Variants in CERT1 observed in about 807,000 individuals in gnomAD.
CERT1 encodes the protein ceramide transporter 1.
In CERT1, 31 loss-of-function variants were observed where a neutral mutation model predicts 87.9. The ratio of observed to expected loss-of-function variants is 0.35; its 90% confidence interval spans 0.27 to 0.48. The LOEUF (loss-of-function observed/expected upper bound fraction) is 0.48. Among genes scored for constraint, CERT1 ranks in the 20% least tolerant of loss-of-function variants. The pLI is 0.99. For synonymous variants in CERT1, 289 were observed against 250.9 expected, an observed-to-expected ratio of 1.15 and a Z score of -1.44; for missense variants, 487 against 758.0, an observed-to-expected ratio of 0.64 and a Z score of 4.20.
intron 3 of CERT1, among the ~76,000 whole-genome samples, chr5:75,430,527 T>C (rs1347636834): frequency 5.3e-5 from 8 of 152,086 alleles, no homozygotes; most frequent in East Asian, 1.9e-4. Flanking sequence ...CAGAGTACAA[T>C]GGGGGCACTG....
At chr5:75,404,668 T>C (rs1001932172) in intron 8 of CERT1, among the ~76,000 whole-genome samples, 21 of 152,180 alleles carry the variant, frequency 1.4e-4, no homozygotes, top group African/African-American at 5.1e-4. Context: ...TTCTAGTCCT[T>C]AAGCAATCAT....
chr5:75,412,221 A>G (rs1234953779), intron 7 of CERT1, among the ~76,000 whole-genome samples: 4 of 152,102 alleles, frequency 2.6e-5, no homozygotes, highest in African/African-American at 9.7e-5. Flanking sequence ...TTTCTAAAAG[A>G]CTGATTTGCT....
chr5:75,419,292 C>A, intron 6 of CERT1, 49 bp downstream of exon 6: 1 of 1,231,674 alleles, frequency 8.1e-7, no homozygotes, highest in Admixed American at 2.0e-5. Context: ...TGTTACATAA[C>A]TTCTGAAAGT....
chr5:75,453,941 AC>A (rs1310564263), intron 3 of CERT1, among the ~76,000 whole-genome samples: 1 of 151,974 alleles, frequency 6.6e-6, no homozygotes, highest in Non-Finnish European at 1.5e-5. Context: ...TGGAAAAGAA[AC>A]CCCCGACCTC....
chr5:75,460,638 G>T (rs894599373), intron 2 of CERT1, among the ~76,000 whole-genome samples: 2 of 152,182 alleles, frequency 1.3e-5, no homozygotes, highest in South Asian at 4.1e-4. Context: ...ACCTTGGAGG[G>T]AAAAGAATCC....
chr5:75,441,306 T>C (rs1428962615), intron 3 of CERT1, among the ~76,000 whole-genome samples: 2 of 152,178 alleles, frequency 1.3e-5, no homozygotes, highest in South Asian at 2.1e-4. Context: ...AAGTGTGTAA[T>C]AGACTATACC....
intron 11 of CERT1, among the ~76,000 whole-genome samples, chr5:75,397,261 A>T (rs1400003039): frequency 1.3e-5 from 2 of 152,256 alleles, no homozygotes; most frequent in Non-Finnish European, 2.9e-5. Flanking sequence ...CATATAAAAC[A>T]GTACATAATC....
intron 2 of CERT1, among the ~76,000 whole-genome samples, chr5:75,479,643 T>C (rs1766133575): frequency 6.6e-6 from 1 of 152,224 alleles, no homozygotes; most frequent in African/African-American, 2.4e-5. Flanking sequence ...GTCTGCATAG[T>C]ATTCCATGGT....
chr5:75,502,907 A>G (rs1767447913), intron 2 of CERT1, among the ~76,000 whole-genome samples: 1 of 152,082 alleles, frequency 6.6e-6, no homozygotes, highest in South Asian at 2.1e-4. Flanking sequence ...TCAAGCTATA[A>G]TAACTGAAGA....
At chr5:75,425,172 A>T (rs1763557707) in intron 5 of CERT1, 189 bp downstream of exon 5, 1 of 536,004 alleles carries the variant, frequency 1.9e-6, no homozygotes, top group Non-Finnish European at 3.3e-6. Context: ...GGTATGGATG[A>T]TCAAAATGAA....
chr5:75,507,592 C>T (rs1561312347), intron 1 of CERT1, among the ~76,000 whole-genome samples: 2 of 152,172 alleles, frequency 1.3e-5, no homozygotes, highest in East Asian at 1.9e-4. Flanking sequence ...AATTCACCTT[C>T]CTATAAAGTA....
chr5:75,371,584 TTC>T (rs1345853522), intron 17 of CERT1: 2 of 152,214 alleles, frequency 1.3e-5, no homozygotes, highest in African/African-American at 4.8e-5. Context: ...CCTGTGGCAA[TTC>T]CAAACCAAGT....
intron 2 of CERT1, among the ~76,000 whole-genome samples, chr5:75,460,923 G>A (rs1283372043): frequency 6.6e-6 from 1 of 152,202 alleles, no homozygotes; most frequent in East Asian, 1.9e-4. Context: ...CAAATGAGAA[G>A]TAGAGTGTGC....
intron 2 of CERT1, among the ~76,000 whole-genome samples, chr5:75,495,913 A>G (rs1243116142): frequency 6.6e-6 from 1 of 152,088 alleles, no homozygotes; most frequent in African/African-American, 2.4e-5. Flanking sequence ...TAAAACTTAA[A>G]GTATAATAAA....
chr5:75,462,641 A>G (rs1221556175), intron 2 of CERT1, among the ~76,000 whole-genome samples: 1 of 152,124 alleles, frequency 6.6e-6, no homozygotes, highest in Non-Finnish European at 1.5e-5. Flanking sequence ...TGATGAAAAG[A>G]GGGCTGACAG....
At chr5:75,488,369 A>G (rs1330417695) in intron 2 of CERT1, among the ~76,000 whole-genome samples, 1 of 152,094 alleles carries the variant, frequency 6.6e-6, no homozygotes, top group Non-Finnish European at 1.5e-5. Context: ...TTGCCAATTC[A>G]AGTCTTCTAA....
intron 2 of CERT1, among the ~76,000 whole-genome samples, chr5:75,475,101 T>C (rs1337429136): frequency 6.6e-6 from 1 of 152,088 alleles, no homozygotes; most frequent in African/African-American, 2.4e-5. Flanking sequence ...AGAAACTACA[T>C]CTTGTCAGTG....
At chr5:75,384,480 T>C (rs1268303979) in intron 14 of CERT1, among the ~76,000 whole-genome samples, 162 bp downstream of exon 14, 1 of 152,262 alleles carries the variant, frequency 6.6e-6, no homozygotes, top group Non-Finnish European at 1.5e-5. Flanking sequence ...TCTGAACAAG[T>C]TGATATACCT....
intron 1 of CERT1, among the ~76,000 whole-genome samples, chr5:75,509,990 A>G (rs1216048768): frequency 1.3e-5 from 2 of 152,244 alleles, no homozygotes; most frequent in Admixed American, 1.3e-4. Flanking sequence ...CTTAGTTCTG[A>G]CTACTCATGC....
Sources: gnomAD v4.1 joint callset for allele counts (sites outside exome capture counted in the v4.1 genomes callset) on GRCh38, gnomAD v4.1.1 for gene constraint, MANE v1.5 for transcripts, NCBI Gene and HGNC (gene_info 2026-07-23, HGNC 2026-07-21) for gene names.